ATG2B: variants seen among roughly 807,000 people sequenced by gnomAD.
ATG2B encodes the protein autophagy-related protein 2 homolog B.
A neutral mutation model predicts 241.3 loss-of-function variants in ATG2B; 121 were observed. The ratio of observed to expected loss-of-function variants is 0.50; its 90% CI spans 0.43 to 0.58. The LOEUF (loss-of-function observed/expected upper bound fraction) is 0.58. Among genes scored for constraint, ATG2B ranks in the 20% least tolerant of loss-of-function variants. The probability of loss-of-function intolerance (pLI) is 0.00; values close to 1 mark genes in which losing one functional copy is unlikely to be tolerated. For synonymous variants in ATG2B, 858 were observed against 876.6 expected (o/e 0.98, Z 0.37); for missense variants, 2,306 against 2,491.6 (o/e 0.93, Z 1.59).
intron 1 of ATG2B, among the ~76,000 whole-genome samples, chr14:96,361,977 G>A (rs1247604480): frequency 6.6e-6 from 1 of 152,170 alleles, no homozygotes; most frequent in Non-Finnish European, 1.5e-5. Flanking sequence ...AAACCCAAAA[G>A]TGAATATACT....
At chr14:96,339,216 T>C (rs938956721) in intron 6 of ATG2B, among the ~76,000 whole-genome samples, 1 of 151,998 alleles carries the variant, frequency 6.6e-6, no homozygotes, top group Non-Finnish European at 1.5e-5. Flanking sequence ...GAAAGCAGTA[T>C]GGAAATTCCT....
intron 1 of ATG2B, among the ~76,000 whole-genome samples, chr14:96,357,750 A>AAGGT (rs1888517922): frequency 6.6e-6 from 1 of 152,122 alleles, no homozygotes; most frequent in South Asian, 2.1e-4. Context: ...AAGACTTCAA[A>AAGGT]AGGTAAGTAG....
chr14:96,292,017 G>T lies in ATG2B; in HGVS notation c.5496+12C>A. The T allele has an allele frequency of 6.4e-7, 1 of 1,560,498 alleles. No individual in the cohort carries two copies. On this transcript the variant is annotated intron_variant, in intron 37 of 41. Coordinates refer to ENST00000359933, the MANE Select transcript of ATG2B (RefSeq NM_018036.7). ...GATAATTTTGTGGAGTATATTTGTAGAGTTTCCCAACCTGATCCATTGATA... is the reference window on the plus strand; with the variant it reads ...GATAATTTTGTGGAGTATATTTGTATAGTTTCCCAACCTGATCCATTGATA...
chr14:96,299,425 A>G (rs1000342484), intron 34 of ATG2B, among the ~76,000 whole-genome samples: 3 of 152,234 alleles, frequency 2.0e-5, no homozygotes, highest in Admixed American at 1.3e-4. Flanking sequence ...TCAGTCTTCT[A>G]TAAAGAGATC....
At position 96,304,545 on chromosome 14, in the gene ATG2B, C is replaced by G; in HGVS notation, c.4792G>C (p.Gly1598Arg). Residue 1598 changes from glycine to arginine, a missense_variant, in exon 32 of 42, where the codon GGG (glycine) becomes CGG (arginine). Gly to Arg is a moderately radical substitution (Grantham distance 125). Around this residue, in one of 2 missense-constraint regions of ATG2B, gnomAD observed 1,927 missense variants for 2,011.2 expected, o/e 0.96. Coordinates refer to ENST00000359933, the MANE Select transcript of ATG2B (RefSeq NM_018036.7). Reference sequence around the variant, plus strand: ...AAGTCATGGTTCCTTCCTTTTCCCCCACATACTGTATTACGTCCATGTCTC... The same window carrying G: ...AAGTCATGGTTCCTTCCTTTTCCCCGACATACTGTATTACGTCCATGTCTC... ...PTRHGRNTVC[G>R]GKGRNHDFLM... 6.2e-7 allele frequency: 1 copy of G among 1,612,416 alleles called. No individual in the cohort carries two copies.
chr14:96,308,283 T>TATATATA (rs1491275020), intron 29 of ATG2B, among the ~76,000 whole-genome samples: 1,230 of 30,162 alleles, frequency 0.041, 62 homozygotes, highest in South Asian at 0.065. Flanking sequence ...TATATATATA[T>TATATATA]TTTTTTTTTT....
intron 1 of ATG2B, among the ~76,000 whole-genome samples, chr14:96,353,327 T>G (rs1888382941): frequency 6.6e-6 from 1 of 152,092 alleles, no homozygotes; most frequent in African/African-American, 2.4e-5. Context: ...AAGAAACAAT[T>G]TAAAAATACA....
At chr14:96,308,231 C>CATATAT (rs1181364234) in intron 29 of ATG2B, among the ~76,000 whole-genome samples, 12 of 17,598 alleles carry the variant, frequency 6.8e-4, no homozygotes, top group Non-Finnish European at 1.1e-3. Context: ...TATATATATA[C>CATATAT]ATATATATAT....
At chr14:96,306,679 C>T (rs767622336) in intron 30 of ATG2B, 35 bp downstream of exon 30, 1 of 1,559,998 alleles carries the variant, frequency 6.4e-7, no homozygotes, top group Admixed American at 1.7e-5. Flanking sequence ...TTTGTAACAC[C>T]ATTCAAGGCT....
chr14:96,317,819 A>G lies in ATG2B; in HGVS notation c.2916T>C (p.Ala972=). The change falls in exon 19 of 42, where the codon GCT becomes GCC. Residue 972 remains alanine (A), a synonymous_variant. Transcript: ENST00000359933. The part of the protein sequence containing the change: ...FNDLLLWEPT[A]PSPVETFENI... ...TCTCGAATGTCTCCACTGGTGAAGG[A>G]GCTGTTGGTTCCCACAGTAGCAAGT... 4.3e-6 allele frequency: 7 copies of G among 1,612,252 alleles called. No homozygotes were observed. Among genetic ancestry groups the G allele is most frequent in the Non-Finnish European group, 5.9e-6 (7 of 1,178,872 alleles).
intron 2 of ATG2B, among the ~76,000 whole-genome samples, chr14:96,345,692 C>A (rs1566733693): frequency 6.6e-6 from 1 of 152,122 alleles, no homozygotes; most frequent in Non-Finnish European, 1.5e-5. Context: ...CCTACAGATG[C>A]ATGGAACTGT....
rs1887574284 is a variant in ATG2B at position 96,325,830 on chromosome 14, A to G, written c.2256T>C (p.Leu752=). The change falls in exon 15 of 42, where the codon CTT becomes CTC. Residue 752 remains leucine, a synonymous_variant. Transcript: ENST00000359933. ...GATCAGGTATTGGGAAGCGAACAGAAAGGTTTAATGCTGGTGTGGCAACTT... is the reference window on the plus strand; with the variant it reads ...GATCAGGTATTGGGAAGCGAACAGAGAGGTTTAATGCTGGTGTGGCAACTT... ...SVQVATPALN[L]SVRFPIPDLR... is the part of the protein sequence containing the mutation. 6 of 1,614,062 alleles carry G rather than the reference A, an allele frequency of 3.7e-6. No homozygotes were observed. Among genetic ancestry groups the G allele is most frequent in the Non-Finnish European group, 5.1e-6 (6 of 1,179,996 alleles).
Position 96,286,247 on chromosome 14 carries a change from G to A in ATG2B, c.6007-262C>T, listed in dbSNP as rs17093991. ...GAAAATGTAGGTAAACTAAAATTTC[G>A]CATTGGGAAGACAGAAATACGGGCT... On this transcript the variant is annotated intron_variant, in intron 41 of 41. Transcript: ENST00000359933. Among the ~76,000 whole-genome samples, 31,363 of 152,086 alleles carry A rather than the reference G, an allele frequency of 0.21. 3,777 individuals are homozygous for A. The highest frequency in any genetic ancestry group is 0.25 in the Non-Finnish European group (17,274 of 67,970).
chr14:96,354,689 A>G (rs966364134), intron 1 of ATG2B, among the ~76,000 whole-genome samples: 1 of 152,216 alleles, frequency 6.6e-6, no homozygotes, highest in Non-Finnish European at 1.5e-5. Flanking sequence ...GTCTCTGAGG[A>G]ATCGCCACAC....
intron 1 of ATG2B, among the ~76,000 whole-genome samples, chr14:96,354,122 T>G (rs1888409619): frequency 6.6e-6 from 1 of 152,182 alleles, no homozygotes; most frequent in Non-Finnish European, 1.5e-5. Flanking sequence ...TAAAGACCAC[T>G]CCTTCATTTA....
At chr14:96,297,895 G>A (rs1242113108) in intron 34 of ATG2B, among the ~76,000 whole-genome samples, 4 of 151,706 alleles carry the variant, frequency 2.6e-5, no homozygotes, top group African/African-American at 7.3e-5. Context: ...GAGTTCAAGC[G>A]ATCCTCCCAC....
In ATG2B at chr14:96,290,999, AG is replaced by A; in HGVS notation, c.5580-65del. ...ACATTTATAGACACAGATTAGTTTG[AG>A]GGTTTTTTTTTACTTAAAACAAATT... On this transcript the variant is annotated intron_variant, in intron 38 of 41. Coordinates refer to ENST00000359933, the MANE Select transcript of ATG2B (RefSeq NM_018036.7). The surrounding 1 kb of genome is among the most constrained non-coding windows in gnomAD (Gnocchi z 4.4). 7.1e-7 allele frequency: 1 copy of A among 1,412,988 alleles called. No individual in the cohort carries two copies. The highest frequency in any genetic ancestry group is 1.5e-5 in the African/African-American group (1 of 68,128). 87.5% of individuals were successfully genotyped at this position (1,412,988 alleles called of 1,614,324 possible).
Position 96,289,761 on chromosome 14 carries a change from A to G in ATG2B, c.5901T>C (p.Leu1967=), listed in dbSNP as rs1428796882. The change falls in exon 41 of 42, where the codon CTT becomes CTC. Residue 1967 remains leucine (L), a synonymous_variant. Transcript: ENST00000359933. The surrounding 1 kb of genome is among the most constrained non-coding windows in gnomAD (Gnocchi z 4.3). ...TAYDMVSPGT[L]SIEPKKTKRF... is the part of the protein sequence containing the mutation. ...TTTTGGTCTTCTTGGGCTCGATAGAAAGGGTACCAGGAGACACCATATCAT... is the reference window on the plus strand; with the variant it reads ...TTTTGGTCTTCTTGGGCTCGATAGAGAGGGTACCAGGAGACACCATATCAT... The G allele has an allele frequency of 5.6e-6, 9 of 1,614,052 alleles. No individual in the cohort carries two copies. The highest frequency in any genetic ancestry group is 7.6e-6 in the Non-Finnish European group (9 of 1,180,020).
chr14:96,333,984 C>T, intron 7 of ATG2B, 111 bp from the exon 8 acceptor site: 1 of 855,134 alleles, frequency 1.2e-6, no homozygotes, highest in Non-Finnish European at 1.9e-6. Flanking sequence ...CACCACAGTG[C>T]AAAACCACTG....
Sources: gnomAD v4.1 joint callset for allele counts (sites outside exome capture counted in the v4.1 genomes callset) on GRCh38, gnomAD v4.1.1 for gene constraint, gnomAD v4.1.1 regional missense constraint, Gnocchi (gnomAD v3.1) non-coding constraint, MANE v1.5 for transcripts, NCBI Gene and HGNC (gene_info 2026-07-23, HGNC 2026-07-21) for gene names.